Variants in SAXO1 observed in about 807,000 individuals in gnomAD.
The protein encoded by SAXO1 is stabilizer of axonemal microtubules 1.
SAXO1 carries 21 observed loss-of-function variants against 17.5 expected under a neutral mutation model. That is an observed-to-expected ratio of 1.20 (90% CI 0.85 to 1.72). The LOEUF (loss-of-function observed/expected upper bound fraction) is 1.72, where lower values mean the gene tolerates loss of function less well. Among genes scored for constraint, SAXO1 ranks in the 40% most tolerant of loss-of-function variants. The pLI, the probability that SAXO1 is intolerant of heterozygous loss-of-function variation, is 0.00. For missense variants in SAXO1, 843 were observed against 596.0 expected (o/e 1.41, Z -4.32); for synonymous variants, 274 against 216.5 (o/e 1.27, Z -2.33).
At chr9:19,023,891 C>CT (rs1385247507) in intron 1 of SAXO1, among the ~76,000 whole-genome samples, 2 of 151,724 alleles carry the variant, frequency 1.3e-5, no homozygotes, top group Non-Finnish European at 2.9e-5. Context: ...CTCACACCAG[C>CT]ACTTTGGGAG....
At position 19,047,784 on chromosome 9, in the gene SAXO1, A is replaced by C. The variant is rs1358484190; in HGVS notation, c.-158+1425T>G. 2.6e-5 allele frequency among the ~76,000 whole-genome samples: 4 copies of C among 152,222 alleles called. No homozygotes were observed. The South Asian group carries it at 8.3e-4, about 32-fold the overall frequency. The stretch of plus-strand genomic sequence containing the variant: ...ATTTTCAGACATCCAATCTCTTGAA[A>C]TTTTTACTCTCCTCATACTTTTTAT... On this transcript the variant is annotated intron_variant, in intron 1 of 3. Coordinates refer to the SAXO1 transcript ENST00000542071.
chr9:18,981,697 C>G (rs1166951431), intron 1 of SAXO1, among the ~76,000 whole-genome samples: 1 of 152,204 alleles, frequency 6.6e-6, no homozygotes, highest in African/African-American at 2.4e-5. Flanking sequence ...GGAGCTCTGC[C>G]AAAATGCTCT....
At chr9:19,027,013 G>A (rs1208658626) in intron 1 of SAXO1, 5 of 857,202 alleles carry the variant, frequency 5.8e-6, no homozygotes, top group East Asian at 2.5e-5. Context: ...ATCATGAAGA[G>A]TTAACTGTTG....
At chr9:18,993,241 G>C (rs1428943830) in intron 1 of SAXO1, among the ~76,000 whole-genome samples, 1 of 151,780 alleles carries the variant, frequency 6.6e-6, no homozygotes, top group African/African-American at 2.4e-5. Context: ...GCATGCATTA[G>C]GTATTTGTCC....
intron 1 of SAXO1, among the ~76,000 whole-genome samples, chr9:19,013,074 T>C (rs1834818633): frequency 6.6e-6 from 1 of 152,058 alleles, no homozygotes; most frequent in East Asian, 1.9e-4. Context: ...CACAGGCACC[T>C]CTTGCATGCC....
At chr9:19,046,702 C>G (rs1330925050) in intron 1 of SAXO1, among the ~76,000 whole-genome samples, 18 of 113,432 alleles carry the variant, frequency 1.6e-4, no homozygotes, top group Admixed American at 1.5e-3. Context: ...AACTTCGTCT[C>G]AGAAAAAAAA....
rs1212938983 is a variant in SAXO1, at chr9:18,995,126, C to CA, written c.38+37744dup. ...ACCAAAAATAAATTAACTAATAAAA[C>CA]AAGATTCTCCCTCCCTTTTCTCCCC... is the stretch of plus-strand genomic sequence containing the variant. On this transcript the variant is annotated intron_variant, in intron 1 of 3. Coordinates refer to ENST00000380534, the MANE Select transcript of SAXO1 (RefSeq NM_153707.4). 9.9e-5 allele frequency among the ~76,000 whole-genome samples: 15 copies of CA among 152,244 alleles called. 1 individual carries two copies. The East Asian group carries it at 2.9e-3, about 29-fold the overall frequency.
At position 19,027,151 on chromosome 9, in the gene SAXO1, A is replaced by G. The variant is rs117302923; in HGVS notation, c.38+5720T>C. On this transcript the variant is annotated intron_variant, in intron 1 of 3. Coordinates refer to ENST00000380534, the MANE Select transcript of SAXO1 (RefSeq NM_153707.4). ...GAGCTCCTGGATGTTGATCCCAATG[A>G]TCAAGAGGAGGATGGTCCAAATATT... The G allele has an allele frequency of 1.1e-4, 119 of 1,132,332 alleles. 1 individual carries two copies. In the East Asian group the frequency reaches 2.7e-3, roughly 26 times the overall value. 70.1% of individuals were successfully genotyped at this position (1,132,332 alleles called of 1,614,324 possible).
At chr9:19,014,990 G>A (rs1834910255) in intron 1 of SAXO1, among the ~76,000 whole-genome samples, 1 of 152,140 alleles carries the variant, frequency 6.6e-6, no homozygotes, top group Non-Finnish European at 1.5e-5. Context: ...ATCCTTTCCT[G>A]AGAAAGATGT....
chr9:18,957,459 T>G (rs1832299838), intron 1 of SAXO1, among the ~76,000 whole-genome samples: 1 of 152,160 alleles, frequency 6.6e-6, no homozygotes, highest in East Asian at 1.9e-4. Flanking sequence ...CCCACATACC[T>G]GACCTCCACT....
chr9:18,953,065 C>T (rs1364597745), intron 1 of SAXO1, among the ~76,000 whole-genome samples: 2 of 152,168 alleles, frequency 1.3e-5, no homozygotes, highest in African/African-American at 4.8e-5. Context: ...CAATTTAAGC[C>T]AACTAGTACC....
intron 1 of SAXO1, among the ~76,000 whole-genome samples, chr9:19,001,525 G>C (rs1401301768): frequency 6.6e-6 from 1 of 152,198 alleles, no homozygotes; most frequent in Non-Finnish European, 1.5e-5. Context: ...AAATTAGCCA[G>C]GTGTGGTGGC....
rs189295498 is a variant in SAXO1, at chr9:19,006,904, G to T, written c.38+25967C>A. ...TACTAAAAATACAAAAATTAGCCAG[G>T]TGTGGTGATGTGCACCTGTAACCCC... On this transcript the variant is annotated intron_variant, in intron 1 of 3. Coordinates refer to ENST00000380534, the MANE Select transcript of SAXO1 (RefSeq NM_153707.4). Among the ~76,000 whole-genome samples, 4 of 152,110 alleles carry T rather than the reference G, an allele frequency of 2.6e-5. No homozygotes were observed. In the East Asian group the frequency reaches 5.8e-4, roughly 22 times the overall value.
At chr9:18,953,457 G>A (rs1250355923) in intron 1 of SAXO1, among the ~76,000 whole-genome samples, 2 of 152,224 alleles carry the variant, frequency 1.3e-5, no homozygotes, top group Non-Finnish European at 2.9e-5. Context: ...TCCAGACACT[G>A]ATGTTCCATT....
chr9:18,936,682 T>C (rs1289106644), intron 3 of SAXO1, among the ~76,000 whole-genome samples: 1 of 152,222 alleles, frequency 6.6e-6, no homozygotes, highest in East Asian at 1.9e-4. Flanking sequence ...AGTAAAGCCC[T>C]TCAGGGCCAG....
chr9:19,014,514 T>C (rs1321227101), intron 1 of SAXO1, among the ~76,000 whole-genome samples: 1 of 147,628 alleles, frequency 6.8e-6, no homozygotes, highest in African/African-American at 2.5e-5. Context: ...AAAAAAAAAT[T>C]GGCAAAATTG....
chr9:19,013,538 GGATT>G (rs1243609373), intron 1 of SAXO1, among the ~76,000 whole-genome samples: 2 of 135,946 alleles, frequency 1.5e-5, no homozygotes, highest in East Asian at 4.1e-4. Context: ...CTAAAAGTAC[GGATT>G]TTTTTTTTTT....
At position 19,011,848 on chromosome 9, in the gene SAXO1, G is replaced by GTTTTTTTTTTTTTTTT. The variant is rs10646825; in HGVS notation, c.38+21022_38+21023insAAAAAAAAAAAAAAAA. Reference sequence around the variant, plus strand: ...TTCAATTTTACCATTATTAAGCATAGATTTTTTTTTTTTTTTGAGATGGAG... The same window carrying GTTTTTTTTTTTTTTTT: ...TTCAATTTTACCATTATTAAGCATAGTTTTTTTTTTTTTTTTATTTTTTTTTTTTTTTGAGATGGAG... On this transcript the variant is annotated intron_variant, in intron 1 of 3. Transcript: ENST00000380534. Among the ~76,000 whole-genome samples the GTTTTTTTTTTTTTTTT allele has an allele frequency of 4.9e-5, 7 of 143,522 alleles. 2 individuals are homozygous for GTTTTTTTTTTTTTTTT. Among genetic ancestry groups the GTTTTTTTTTTTTTTTT allele is most frequent in the Non-Finnish European group, 4.5e-5 (3 of 66,496 alleles). 94.2% of individuals were successfully genotyped at this position (143,522 alleles called of 152,430 possible). A position where few individuals can be genotyped will look rare whatever the true frequency, so the allele number is the denominator to read the frequency against.
chr9:19,035,416 G>C (rs1158671638), upstream of SAXO1, among the ~76,000 whole-genome samples: 1 of 152,172 alleles, frequency 6.6e-6, no homozygotes, highest in African/African-American at 2.4e-5. Flanking sequence ...GGAACTGTAA[G>C]TCCAATTAAA....
Sources: allele counts gnomAD v4.1 joint callset (sites outside exome capture counted in the v4.1 genomes callset), GRCh38; gene constraint gnomAD v4.1.1; transcripts MANE v1.5; gene names NCBI Gene and HGNC (gene_info 2026-07-23, HGNC 2026-07-21).